The following RBFOX1 variants were observed in gnomAD, a reference collection of about 807,000 sequenced individuals.
The protein encoded by RBFOX1 is RNA binding protein fox-1 homolog 1.
In RBFOX1, 8 loss-of-function variants were observed where a neutral mutation model predicts 57.7. The ratio of observed to expected loss-of-function variants is 0.14; its 90% CI spans 0.08 to 0.25. RBFOX1 has a LOEUF of 0.25. Ranked by LOEUF, RBFOX1 falls within the 10% of genes least tolerant of loss-of-function variation. RBFOX1 has a pLI of 1.00. For missense variants in RBFOX1, 611 were observed against 548.5 expected (o/e 1.11, Z -1.14); for synonymous variants, 326 against 222.4 (o/e 1.47, Z -4.15).
intron 2 of RBFOX1, among the ~76,000 whole-genome samples, chr16:6,490,428 C>T (rs2095606036): frequency 6.6e-6 from 1 of 152,150 alleles, no homozygotes; most frequent in Non-Finnish European, 1.5e-5. Context: ...AAATGTCTCA[C>T]ATCTCGAATA....
intron 3 of RBFOX1, among the ~76,000 whole-genome samples, chr16:6,913,726 C>G (rs2072336112): frequency 6.6e-6 from 1 of 152,164 alleles, no homozygotes; most frequent in African/African-American, 2.4e-5. Context: ...CCTGCGTACC[C>G]TCCTAGCCAA....
chr16:6,864,750 C>G (rs866958925), intron 3 of RBFOX1, among the ~76,000 whole-genome samples: 1 of 151,846 alleles, frequency 6.6e-6, no homozygotes. Context: ...TCTGTTCAAC[C>G]TGTATTTTTA....
chr16:7,370,295 C>T (rs1345127103), intron 4 of RBFOX1, among the ~76,000 whole-genome samples: 2 of 152,128 alleles, frequency 1.3e-5, no homozygotes, highest in East Asian at 1.9e-4. Flanking sequence ...AGACAAAATA[C>T]TAAGAAGCAG....
In RBFOX1 at chr16:6,058,644, ATCCATCCACCCATCC is replaced by A. The variant is rs1054469986; in HGVS notation, c.-127+38653_-127+38667del. On this transcript the variant is annotated intron_variant, in intron 1 of 15. Transcript: ENST00000550418. ...CATCCATCTACCCACCCATCCACCC[ATCCATCCACCCATCC>A]ATCCATCCACCCACCATCCACCAAT... Among the ~76,000 whole-genome samples the A allele has an allele frequency of 2.5e-5, 3 of 117,742 alleles. No individual in the cohort carries two copies. In the Admixed American group the frequency reaches 2.6e-4, roughly 10 times the overall value. The allele number at this position is 117,742 out of a possible 152,430, so 77.2% of individuals were successfully genotyped here. A position where few individuals can be genotyped will look rare whatever the true frequency, so the allele number is the denominator to read the frequency against.
chr16:7,013,105 C>T (rs533759731), intron 3 of RBFOX1, among the ~76,000 whole-genome samples: 2 of 152,162 alleles, frequency 1.3e-5, no homozygotes, highest in South Asian at 2.1e-4. Context: ...CTCAAAAGTC[C>T]CATCTCCAAA....
chr16:6,302,182 C>T (rs747294790), intron 1 of RBFOX1, among the ~76,000 whole-genome samples: 18 of 152,004 alleles, frequency 1.2e-4, no homozygotes, highest in Non-Finnish European at 1.5e-4. Context: ...GATGAGGTGG[C>T]ATATTAGATA....
intron 4 of RBFOX1, among the ~76,000 whole-genome samples, chr16:7,374,269 C>G (rs746711242): frequency 6.6e-6 from 1 of 152,154 alleles, no homozygotes; most frequent in Non-Finnish European, 1.5e-5. Context: ...TTCTGAGGCT[C>G]CGTGTTTTCG....
chr16:6,239,703 T>C (rs946406322), intron 1 of RBFOX1, among the ~76,000 whole-genome samples: 2 of 152,068 alleles, frequency 1.3e-5, no homozygotes, highest in Non-Finnish European at 2.9e-5. Flanking sequence ...TTCACCATGT[T>C]GACCAGGCTG....
chr16:5,535,225 G>T (rs2044648368), intron 2 of RBFOX1, among the ~76,000 whole-genome samples: 1 of 152,154 alleles, frequency 6.6e-6, no homozygotes, highest in South Asian at 2.1e-4. Flanking sequence ...GCCACGTGTG[G>T]CTAGTGTTTA....
chr16:6,813,428 C>T (rs189908496), intron 3 of RBFOX1, among the ~76,000 whole-genome samples: 2 of 152,310 alleles, frequency 1.3e-5, no homozygotes, highest in East Asian at 1.9e-4. Flanking sequence ...TGAATGTTCT[C>T]ATGGCTCTAG....
intron 3 of RBFOX1, among the ~76,000 whole-genome samples, chr16:6,850,079 G>A (rs756776618): frequency 1.3e-5 from 2 of 152,090 alleles, no homozygotes; most frequent in Admixed American, 6.6e-5. Context: ...TAACCGAGTC[G>A]ATTGACATGG....
At chr16:5,806,823 A>T (rs1348812543) in intron 3 of RBFOX1, among the ~76,000 whole-genome samples, 1 of 152,172 alleles carries the variant, frequency 6.6e-6, no homozygotes, top group Non-Finnish European at 1.5e-5. Flanking sequence ...AGCCCTCTGA[A>T]AGCCTTCACG....
chr16:6,972,843 G>T (rs1446615176), intron 3 of RBFOX1, among the ~76,000 whole-genome samples: 1 of 152,278 alleles, frequency 6.6e-6, no homozygotes, highest in East Asian at 1.9e-4. Context: ...GAGACAAGGG[G>T]CCGGATGCAG....
chr16:6,387,791 T>A (rs2092377445), intron 2 of RBFOX1, among the ~76,000 whole-genome samples: 1 of 151,954 alleles, frequency 6.6e-6, no homozygotes, highest in South Asian at 2.1e-4. Flanking sequence ...TTCCCTCTGG[T>A]GATCATTCCT....
chr16:5,828,758 G>C (rs66898937), intron 3 of RBFOX1, among the ~76,000 whole-genome samples: 22,317 of 152,168 alleles, frequency 0.15, 2,285 homozygotes, highest in East Asian at 0.49. Context: ...TTTCAGCAGA[G>C]GGTGGAGTGT....
chr16:5,747,860 G>A (rs371442827), intron 3 of RBFOX1, among the ~76,000 whole-genome samples: 4 of 152,040 alleles, frequency 2.6e-5, no homozygotes, highest in East Asian at 3.9e-4. Context: ...AGGGTTTTTT[G>A]TGTCTCTGTT....
intron 4 of RBFOX1, among the ~76,000 whole-genome samples, chr16:7,440,944 T>G (rs1334659183): frequency 1.3e-5 from 2 of 151,864 alleles, no homozygotes; most frequent in Non-Finnish European, 2.9e-5. Context: ...GAGGCAGAGG[T>G]GAGAGGATCA....
chr16:6,866,949 A>G (rs1413475254), intron 3 of RBFOX1, among the ~76,000 whole-genome samples: 5 of 151,964 alleles, frequency 3.3e-5, no homozygotes, highest in Non-Finnish European at 7.4e-5. Flanking sequence ...TCATGACAAT[A>G]TCTAAAGGTC....
At chr16:6,872,704 G>C (rs2061152062) in intron 3 of RBFOX1, among the ~76,000 whole-genome samples, 1 of 152,176 alleles carries the variant, frequency 6.6e-6, no homozygotes, top group Admixed American at 6.5e-5. Flanking sequence ...GGGTAAGCTA[G>C]ATTTAGAGTT....
Sources: allele counts gnomAD v4.1 joint callset (sites outside exome capture counted in the v4.1 genomes callset), GRCh38; gene constraint gnomAD v4.1.1; transcripts MANE v1.5; gene names NCBI Gene and HGNC (gene_info 2026-07-23, HGNC 2026-07-21).